Variants in STX11 observed in about 807,000 individuals in gnomAD.
STX11 encodes syntaxin-11.
In STX11, 21 loss-of-function variants were observed where a neutral mutation model predicts 19.9. The ratio of observed to expected loss-of-function variants is 1.06; its 90% CI spans 0.75 to 1.52. STX11 has a LOEUF of 1.52. STX11 is among the 40% of genes most tolerant of loss of function. STX11 has a pLI of 0.00. For missense variants in STX11, 438 were observed against 405.9 expected (o/e 1.08, Z -0.68); for synonymous variants, 193 against 174.4 (o/e 1.11, Z -0.84).
In STX11 at chr6:144,186,999, G is replaced by T; in HGVS notation, c.372G>T (p.Val124=). 2 of 1,610,276 alleles carry T rather than the reference G, an allele frequency of 1.2e-6. No homozygotes were observed. Among genetic ancestry groups the T allele is most frequent in the Non-Finnish European group, 1.7e-6 (2 of 1,179,708 alleles). The part of the protein sequence containing the change: ...AEAQHGPHSA[V]ARISRAQYNA... ...CCCAGCACGGCCCGCACTCGGCAGT[G>T]GCGCGCATTTCGCGGGCGCAGTACA... Residue 124 remains valine, a synonymous_variant, in exon 2 of 2, where the codon GTG becomes GTT. Transcript: ENST00000367568.
At chr6:144,141,187 T>C in the STX11 span, among the ~76,000 whole-genome samples, 3 of 152,240 alleles carry the variant, frequency 2.0e-5, no homozygotes, top group African/African-American at 7.2e-5. Flanking sequence ...AGCTATTAAG[T>C]GGATCAACTA....
At chr6:144,171,820 TA>T (rs991487551) in intron 1 of STX11, among the ~76,000 whole-genome samples, 2 of 152,158 alleles carry the variant, frequency 1.3e-5, no homozygotes, top group African/African-American at 4.8e-5. Context: ...CATGTGCTTT[TA>T]AAAAATGTGT....
the STX11 span, among the ~76,000 whole-genome samples, chr6:144,141,188 G>A: frequency 6.6e-6 from 1 of 152,140 alleles, no homozygotes; most frequent in Admixed American, 6.5e-5. Flanking sequence ...GCTATTAAGT[G>A]GATCAACTAG....
At chr6:144,147,427 G>T (rs376733663), upstream of STX11, among the ~76,000 whole-genome samples, 1 of 152,074 alleles carries the variant, frequency 6.6e-6, no homozygotes, top group African/African-American at 2.4e-5. This position sits in a 1 kb window ranked among gnomAD's most constrained non-coding sequence, Gnocchi z 4.2. Flanking sequence ...CTCCTGAAAC[G>T]TGCTCTCTCT....
upstream of STX11, among the ~76,000 whole-genome samples, chr6:144,145,755 T>C (rs1427675711): frequency 1.3e-5 from 2 of 151,978 alleles, no homozygotes; most frequent in Non-Finnish European, 2.9e-5. Context: ...GTTAGAGAGA[T>C]GTTAGTAAAG....
In STX11 at chr6:144,150,577, G is replaced by A; in HGVS notation, c.-132G>A. 1 of 985,468 alleles carries A rather than the reference G, an allele frequency of 1.0e-6. No individual in the cohort carries two copies. The highest frequency in any genetic ancestry group is 1.2e-6 in the Non-Finnish European group (1 of 829,952). The allele number at this position is 985,468 out of a possible 1,614,324, so 61.0% of individuals were successfully genotyped here. ...GTGGAGGAACTCAGCCTCGGCCGCA[G>A]GAGGCGCCGGGAGCGGAGCCGCCGG... On this transcript the variant is annotated 5_prime_UTR_variant, in exon 1 of 2. Transcript: ENST00000367568.
Position 144,165,520 on chromosome 6 carries a change from TC to T in STX11, c.-6+14819del, listed in dbSNP as rs1193301664. 2.0e-5 allele frequency among the ~76,000 whole-genome samples: 3 copies of T among 152,128 alleles called. No homozygotes were observed. In the East Asian group the frequency reaches 5.8e-4, roughly 29 times the overall value. ...CAATAAGTGAGTTTGTTTTCTTAGC[TC>T]CTTTTATATAGTGAGTACAAAGCAC... is the stretch of plus-strand genomic sequence containing the variant. On this transcript the variant is annotated intron_variant, in intron 1 of 1. Coordinates refer to ENST00000367568, the MANE Select transcript of STX11 (RefSeq NM_003764.4). This position sits in a 1 kb window ranked among gnomAD's most constrained non-coding sequence, Gnocchi z 5.8.
intron 1 of STX11, among the ~76,000 whole-genome samples, chr6:144,179,225 T>C (rs1017233428): frequency 2.0e-5 from 3 of 152,182 alleles, no homozygotes; most frequent in African/African-American, 7.2e-5. Context: ...CAGAACAGCA[T>C]GGGGGAAACC....
At position 144,190,971 on chromosome 6, in the gene STX11, A is replaced by T. The variant is rs1802196559; in HGVS notation, c.*3480A>T. 6.6e-6 allele frequency among the ~76,000 whole-genome samples: 1 copy of T among 152,058 alleles called. No individual in the cohort carries two copies. Among genetic ancestry groups the T allele is most frequent in the African/African-American group, 2.4e-5 (1 of 41,392 alleles). ...AGATGCTGTAGAGCTGGCTTTACCA[A>T]TCTCATGATGCTTGCTTGGCAACTC... On this transcript the variant is annotated 3_prime_UTR_variant, in exon 2 of 2. Coordinates refer to ENST00000367568, the MANE Select transcript of STX11 (RefSeq NM_003764.4).
In STX11 at chr6:144,176,175, C is replaced by G. The variant is rs535721129; in HGVS notation, c.-5-10448C>G. Among the ~76,000 whole-genome samples the G allele has an allele frequency of 5.3e-5, 8 of 152,250 alleles. No individual in the cohort carries two copies. Among genetic ancestry groups the G allele is most frequent in the East Asian group, 1.9e-4 (1 of 5,186 alleles). On this transcript the variant is annotated intron_variant, in intron 1 of 1. Coordinates refer to ENST00000367568, the MANE Select transcript of STX11 (RefSeq NM_003764.4). This position sits in a 1 kb window ranked among gnomAD's most constrained non-coding sequence, Gnocchi z 4.1. ...AAGAAACAGAGCAGAGAATATTGCT[C>G]CTTAACAACACTAGCGCCTCCCGAC...
chr6:144,186,586 C>CT, intron 1 of STX11, 37 bp from the exon 2 acceptor site: 1 of 1,613,230 alleles, frequency 6.2e-7, no homozygotes, highest in Non-Finnish European at 8.5e-7. Flanking sequence ...ATTTGACTCT[C>CT]AATAGAGAAA....
the STX11 span, among the ~76,000 whole-genome samples, chr6:144,144,187 T>C: frequency 6.6e-6 from 1 of 152,248 alleles, no homozygotes; most frequent in Non-Finnish European, 1.5e-5. Flanking sequence ...ACAGGCATGA[T>C]CCTTGCCTTC....
chr6:144,141,583 T>A, the STX11 span, among the ~76,000 whole-genome samples: 1 of 152,220 alleles, frequency 6.6e-6, no homozygotes, highest in Admixed American at 6.5e-5. Context: ...TACCTTAAGT[T>A]CATATTGCCC....
chr6:144,140,877 A>G, the STX11 span: 1 of 758,506 alleles, frequency 1.3e-6, no homozygotes, highest in Non-Finnish European at 1.6e-6. Context: ...AAATGAACAG[A>G]ATATGGCTAT....
chr6:144,187,758 C>A lies in STX11; in HGVS notation c.*267C>A, dbSNP rs930081960. On this transcript the variant is annotated 3_prime_UTR_variant, in exon 2 of 2. Coordinates refer to ENST00000367568, the MANE Select transcript of STX11 (RefSeq NM_003764.4). The surrounding 1 kb of genome is among the most constrained non-coding windows in gnomAD (Gnocchi z 5.6). ...ATATGACACCTTGCACTCTTACCGT[C>A]TTGACAGAAGCCAAGTAAGGAACTG... is the stretch of plus-strand genomic sequence containing the variant. 3.5e-6 allele frequency: 2 copies of A among 572,582 alleles called. No individual in the cohort carries two copies. The highest frequency in any genetic ancestry group is 6.4e-6 in the Non-Finnish European group (2 of 312,970). The allele number at this position is 572,582 out of a possible 1,614,324, so 35.5% of individuals were successfully genotyped here.
Position 144,177,572 on chromosome 6 carries a change from C to A in STX11, c.-5-9051C>A, listed in dbSNP as rs754660582. On this transcript the variant is annotated intron_variant, in intron 1 of 1. Transcript: ENST00000367568. The surrounding 1 kb of genome is among the most constrained non-coding windows in gnomAD (Gnocchi z 4.4). Reference sequence around the variant, plus strand: ...GACCAACCTGGCCAATATAGTGAAACCCCATCTCTACTAAAAACACACAAA... The same window carrying A: ...GACCAACCTGGCCAATATAGTGAAAACCCATCTCTACTAAAAACACACAAA... 2.6e-5 allele frequency among the ~76,000 whole-genome samples: 4 copies of A among 152,132 alleles called. No individual in the cohort carries two copies. Among genetic ancestry groups the A allele is most frequent in the Non-Finnish European group, 1.5e-5 (1 of 68,016 alleles).
Position 144,186,763 on chromosome 6 carries a change from C to A in STX11, c.136C>A (p.Arg46=), listed in dbSNP as rs1394376432. 6.2e-7 allele frequency: 1 copy of A among 1,614,074 alleles called. No individual in the cohort carries two copies. The highest frequency in any genetic ancestry group is 8.5e-7 in the Non-Finnish European group (1 of 1,180,032). The change falls in exon 2 of 2, where the codon CGA becomes AGA. Residue 46 remains arginine (R), a synonymous_variant. Coordinates refer to ENST00000367568, the MANE Select transcript of STX11 (RefSeq NM_003764.4). ...GGACCACATCCTGGAGTCCCTGTAC[C>A]GAGACATCCGGGACATTCAGGATGA... The part of the protein sequence containing the change: ...ETDHILESLY[R]DIRDIQDENQ...
At chr6:144,143,554 G>A in the STX11 span, among the ~76,000 whole-genome samples, 10 of 152,044 alleles carry the variant, frequency 6.6e-5, no homozygotes, top group South Asian at 2.1e-4. Flanking sequence ...GAGGAATTGG[G>A]GCCTTTTGTT....
In STX11 at chr6:144,180,543, T is replaced by C. The variant is rs1489438458; in HGVS notation, c.-5-6080T>C. 6.6e-6 allele frequency among the ~76,000 whole-genome samples: 1 copy of C among 152,210 alleles called. No individual in the cohort carries two copies. The highest frequency in any genetic ancestry group is 1.5e-5 in the Non-Finnish European group (1 of 68,030). On this transcript the variant is annotated intron_variant, in intron 1 of 1. Transcript: ENST00000367568. The surrounding 1 kb of genome is among the most constrained non-coding windows in gnomAD (Gnocchi z 5.3). Reference sequence around the variant, plus strand: ...GATGGGTTTATCAGGGGTTTCTGCTTTTGCTCCTTCCTCATTTTCTCTTGC... The same window carrying C: ...GATGGGTTTATCAGGGGTTTCTGCTCTTGCTCCTTCCTCATTTTCTCTTGC...
Sources: gnomAD v4.1 joint callset for allele counts (sites outside exome capture counted in the v4.1 genomes callset) on GRCh38, gnomAD v4.1.1 for gene constraint, Gnocchi (gnomAD v3.1) non-coding constraint, MANE v1.5 for transcripts, NCBI Gene and HGNC (gene_info 2026-07-23, HGNC 2026-07-21) for gene names.